SORCS3: variants seen among roughly 807,000 people sequenced by gnomAD.
SORCS3 encodes sortilin related VPS10 domain containing receptor 3, also known as VPS10 domain-containing receptor SorCS3.
Under a neutral mutation model 146.3 loss-of-function variants are expected in SORCS3, and 57 were observed. The ratio of observed to expected loss-of-function variants is 0.39; its 90% CI spans 0.31 to 0.49. SORCS3 has a LOEUF of 0.49. Among genes scored for constraint, SORCS3 ranks in the 20% least tolerant of loss-of-function variants. The pLI, the probability that SORCS3 is intolerant of heterozygous loss-of-function variation, is 0.92. For missense variants in SORCS3, 1,341 were observed against 1,575.5 expected (o/e 0.85, Z 2.52); for synonymous variants, 653 against 618.5 (o/e 1.06, Z -0.83).
chr10:105,047,264 T>G (rs2055379902), intron 5 of SORCS3, among the ~76,000 whole-genome samples: 1 of 152,058 alleles, frequency 6.6e-6, no homozygotes, highest in Non-Finnish European at 1.5e-5. Context: ...GTCACAGGTG[T>G]GCTAGGCCTT....
intron 14 of SORCS3, among the ~76,000 whole-genome samples, chr10:105,185,382 C>G (rs930790003): frequency 2.0e-5 from 3 of 152,306 alleles, no homozygotes; most frequent in African/African-American, 7.2e-5. Flanking sequence ...TGTAGTCCAA[C>G]ATTCTCCTGA....
At chr10:105,245,189 A>C (rs2056858633) in intron 20 of SORCS3, among the ~76,000 whole-genome samples, 1 of 152,156 alleles carries the variant, frequency 6.6e-6, no homozygotes, top group Admixed American at 6.6e-5. Flanking sequence ...TATAAGTGAC[A>C]CCAGATATTG....
chr10:105,027,248 A>G (rs924632308), intron 4 of SORCS3, among the ~76,000 whole-genome samples: 7 of 152,186 alleles, frequency 4.6e-5, no homozygotes, highest in Non-Finnish European at 7.3e-5. Flanking sequence ...AGCTCCTCAG[A>G]GAAGTCTCCT....
chr10:105,063,646 T>A (rs2055502645), intron 5 of SORCS3, among the ~76,000 whole-genome samples: 1 of 152,218 alleles, frequency 6.6e-6, no homozygotes, highest in Non-Finnish European at 1.5e-5. Context: ...GTAGACCCAG[T>A]AAATTGACTG....
chr10:104,838,136 C>T (rs1160046739), intron 1 of SORCS3, among the ~76,000 whole-genome samples: 1 of 152,144 alleles, frequency 6.6e-6, no homozygotes, highest in Non-Finnish European at 1.5e-5. Flanking sequence ...CCTGCTTATG[C>T]TTCCTTGAGT....
intron 6 of SORCS3, among the ~76,000 whole-genome samples, chr10:105,098,313 G>A (rs1332714222): frequency 1.3e-5 from 2 of 152,112 alleles, no homozygotes; most frequent in African/African-American, 2.4e-5. Context: ...TTGAGATATA[G>A]GATTGTCTTT....
chr10:104,858,935 T>TTA lies in SORCS3; in HGVS notation c.695+16079_695+16080dup, dbSNP rs1472236378. Among the ~76,000 whole-genome samples, 6 of 27,962 alleles carry TTA rather than the reference T, an allele frequency of 2.1e-4. No individual in the cohort carries two copies. The East Asian group carries it at 7.5e-3, about 35-fold the overall frequency. 18.3% of individuals were successfully genotyped at this position (27,962 alleles called of 152,430 possible). ...CGCACCTGGCCTGAGAAGTGTACAT[T>TTA]TATAAAAAAAAAAAAAAACAACAAA... On this transcript the variant is annotated intron_variant, in intron 2 of 26. Transcript: ENST00000369701.
rs2015418794 is a variant in SORCS3, at chr10:104,641,670, C to G, written c.343C>G (p.Arg115Gly). 2 of 1,524,024 alleles carry G rather than the reference C, an allele frequency of 1.3e-6. No homozygotes were observed. The highest frequency in any genetic ancestry group is 1.8e-6 in the Non-Finnish European group (2 of 1,140,066). 94.4% of individuals were successfully genotyped at this position (1,524,024 alleles called of 1,614,324 possible). The change falls in exon 1 of 27, where the codon CGG becomes GGG. Residue 115 changes from arginine to glycine, a missense_variant. Physicochemically the swap from Arg to Gly is moderately radical, Grantham distance 125 (BLOSUM62 -2). Transcript: ENST00000369701. The surrounding 1 kb of genome is among the most constrained non-coding windows in gnomAD (Gnocchi z 6.4). ...AGGTSPAGER[R>G]GRGIPAPAKL... Reference sequence around the variant, plus strand: ...AGGGACATCACCGGCAGGCGAGCGGCGGGGCCGGGGCATCCCAGCTCCTGC... The same window carrying G: ...AGGGACATCACCGGCAGGCGAGCGGGGGGGCCGGGGCATCCCAGCTCCTGC...
At chr10:104,867,500 A>G (rs374245753) in intron 2 of SORCS3, among the ~76,000 whole-genome samples, 8 of 152,044 alleles carry the variant, frequency 5.3e-5, no homozygotes, top group Middle Eastern at 3.4e-3. Flanking sequence ...TAGTAGAGAC[A>G]GGGTTTCATC....
intron 2 of SORCS3, among the ~76,000 whole-genome samples, chr10:104,878,004 A>G (rs1380273937): frequency 1.3e-5 from 2 of 152,192 alleles, no homozygotes; most frequent in East Asian, 3.8e-4. Flanking sequence ...TGTACTGAAT[A>G]TCTTGACCAT....
At chr10:105,224,275 G>C (rs2056721358) in intron 20 of SORCS3, among the ~76,000 whole-genome samples, 2 of 152,144 alleles carry the variant, frequency 1.3e-5, no homozygotes, top group African/African-American at 2.4e-5. Flanking sequence ...GGCAACCACT[G>C]ATATTTTTAC....
chr10:105,041,410 A>ATATAT (rs1554871578), intron 4 of SORCS3, among the ~76,000 whole-genome samples: 1 of 144,344 alleles, frequency 6.9e-6, no homozygotes, highest in Admixed American at 7.0e-5. Flanking sequence ...GATTAAAAAA[A>ATATAT]ATATATATAT....
intron 5 of SORCS3, among the ~76,000 whole-genome samples, chr10:105,057,114 C>T (rs888502212): frequency 1.4e-4 from 21 of 152,132 alleles, no homozygotes; most frequent in African/African-American, 5.1e-4. Context: ...AGTGATTTCT[C>T]CAACAGTGCT....
rs1564799081 is a variant in SORCS3, at chr10:105,263,294, C to CT, written c.3605-14dup. Reference sequence around the variant, plus strand: ...AACTCACATCCATTTCTCCCTGTGTCTTCTCTTCTCTGCAGGAGGCATTGC... The same window carrying CT: ...AACTCACATCCATTTCTCCCTGTGTCTTTCTCTTCTCTGCAGGAGGCATTGC... On this transcript the variant is annotated splice_polypyrimidine_tract_variant and intron_variant, in intron 26 of 26. Coordinates refer to ENST00000369701, the MANE Select transcript of SORCS3 (RefSeq NM_014978.3). 6.2e-7 allele frequency: 1 copy of CT among 1,613,620 alleles called. No homozygotes were observed. Among genetic ancestry groups the CT allele is most frequent in the South Asian group, 1.1e-5 (1 of 91,062 alleles).
chr10:105,259,553 TCTTGCTCTTGGA>T (rs1376127252), intron 25 of SORCS3, among the ~76,000 whole-genome samples: 1 of 152,220 alleles, frequency 6.6e-6, no homozygotes, highest in Non-Finnish European at 1.5e-5. Flanking sequence ...TCGCAGGCTC[TCTTGCTCTTGGA>T]TAGTGACTGC....
chr10:104,732,859 C>T (rs1301433923), intron 1 of SORCS3, among the ~76,000 whole-genome samples: 1 of 151,916 alleles, frequency 6.6e-6, no homozygotes, highest in Non-Finnish European at 1.5e-5. Context: ...GAGGGTCAGC[C>T]TAGGGGTGGG....
intron 25 of SORCS3, among the ~76,000 whole-genome samples, chr10:105,259,373 A>G (rs528340045): frequency 1.3e-5 from 2 of 152,332 alleles, no homozygotes; most frequent in South Asian, 4.1e-4. Flanking sequence ...TGTAATTGCC[A>G]GTATTAACAC....
At chr10:104,967,194 G>A (rs1185786641) in intron 3 of SORCS3, among the ~76,000 whole-genome samples, 1 of 152,106 alleles carries the variant, frequency 6.6e-6, no homozygotes, top group Non-Finnish European at 1.5e-5. Context: ...TTAGCAAATT[G>A]ACAATTATCT....
chr10:104,743,681 A>G (rs973965599), intron 1 of SORCS3, among the ~76,000 whole-genome samples: 1 of 152,072 alleles, frequency 6.6e-6, no homozygotes, highest in African/African-American at 2.4e-5. Context: ...CACTCTCAGG[A>G]CAGCCTGTGG....
Sources: gnomAD v4.1 joint callset for allele counts (sites outside exome capture counted in the v4.1 genomes callset) on GRCh38, gnomAD v4.1.1 for gene constraint, Gnocchi (gnomAD v3.1) non-coding constraint, MANE v1.5 for transcripts, NCBI Gene and HGNC (gene_info 2026-07-23, HGNC 2026-07-21) for gene names.